Variants in PPP1R9A observed in about 807,000 individuals in gnomAD.
PPP1R9A encodes neurabin-1.
PPP1R9A carries 59 observed loss-of-function variants against 141.9 expected under a neutral mutation model. That is an observed-to-expected ratio of 0.42 (90% CI 0.34 to 0.52). PPP1R9A has a LOEUF of 0.52. Among genes scored for constraint, PPP1R9A ranks in the 20% least tolerant of loss-of-function variants. The probability of loss-of-function intolerance (pLI) is 0.10; values close to 1 mark genes in which losing one functional copy is unlikely to be tolerated. For missense variants in PPP1R9A, 1,444 were observed against 1,611.9 expected, an observed-to-expected ratio of 0.90 and a Z score of 1.78; for synonymous variants, 500 against 569.7, an observed-to-expected ratio of 0.88 and a Z score of 1.74.
chr7:95,026,488 A>G lies in PPP1R9A; in HGVS notation c.1396-84771A>G, dbSNP rs142658478. ...GGGGCACCCTCCAGATGCCAGCCGG[A>G]GCTCTCCTGTGTGAGGTGTCTATTG... On this transcript the variant is annotated intron_variant, in intron 2 of 19. Coordinates refer to ENST00000433360, the MANE Select transcript of PPP1R9A (RefSeq NM_001166160.2). Among the ~76,000 whole-genome samples the G allele has an allele frequency of 4.2e-3, 635 of 152,208 alleles. 6 individuals are homozygous for G. Among genetic ancestry groups the G allele is most frequent in the African/African-American group, 0.013 (554 of 41,524 alleles).
intron 2 of PPP1R9A, among the ~76,000 whole-genome samples, chr7:94,985,207 A>G (rs1207900396): frequency 6.6e-6 from 1 of 152,020 alleles, no homozygotes; most frequent in African/African-American, 2.4e-5. Flanking sequence ...ACAGTTTATT[A>G]TTTCTGTTCT....
chr7:94,991,859 C>T (rs772634559), intron 2 of PPP1R9A, among the ~76,000 whole-genome samples: 1 of 152,086 alleles, frequency 6.6e-6, no homozygotes, highest in Non-Finnish European at 1.5e-5. Context: ...GCCATGTTGC[C>T]CCTGCTGTTC....
At position 95,257,672 on chromosome 7, in the gene PPP1R9A, C is replaced by A. The variant is rs1799791791; in HGVS notation, c.2665+5542C>A. Reference sequence around the variant, plus strand: ...CTAATGCTATCCCTCCCTGCTCCCCCCACCCCACAACAGGCCCCTATGTGT... The same window carrying A: ...CTAATGCTATCCCTCCCTGCTCCCCACACCCCACAACAGGCCCCTATGTGT... On this transcript the variant is annotated intron_variant, in intron 12 of 19. Transcript: ENST00000433360. Among the ~76,000 whole-genome samples, 4 of 152,182 alleles carry A rather than the reference C, an allele frequency of 2.6e-5. 1 individual carries two copies. The highest frequency in any genetic ancestry group is 1.3e-4 in the Admixed American group (2 of 15,286).
At chr7:95,286,424 A>G (rs1805344936) in intron 18 of PPP1R9A, 99 bp downstream of exon 18, 1 of 1,522,626 alleles carries the variant, frequency 6.6e-7, no homozygotes, top group African/African-American at 1.4e-5. Context: ...TATTGCATAG[A>G]AATCATCAGG....
At chr7:95,044,262 C>A (rs1008627645) in intron 2 of PPP1R9A, among the ~76,000 whole-genome samples, 1 of 152,194 alleles carries the variant, frequency 6.6e-6, no homozygotes, top group Non-Finnish European at 1.5e-5. Context: ...GAATGAGCCA[C>A]CTGAAGGGAC....
At chr7:95,140,526 G>C (rs1233508650) in intron 4 of PPP1R9A, among the ~76,000 whole-genome samples, 1 of 152,056 alleles carries the variant, frequency 6.6e-6, no homozygotes, top group African/African-American at 2.4e-5. Flanking sequence ...AAGTAGCTGG[G>C]ACTACAGGCA....
At chr7:95,007,116 C>A (rs1803726609) in intron 2 of PPP1R9A, among the ~76,000 whole-genome samples, 1 of 152,188 alleles carries the variant, frequency 6.6e-6, no homozygotes, top group Admixed American at 6.5e-5. Context: ...CCCATCTCAG[C>A]CTCCCAAAGT....
chr7:94,974,793 A>G (rs1355832965), intron 2 of PPP1R9A, among the ~76,000 whole-genome samples: 2 of 152,250 alleles, frequency 1.3e-5, no homozygotes, highest in Admixed American at 6.5e-5. Flanking sequence ...GTAGAGGCAC[A>G]TTAAAATAAC....
chr7:95,014,260 C>T (rs542486500), intron 2 of PPP1R9A, among the ~76,000 whole-genome samples: 9 of 152,142 alleles, frequency 5.9e-5, no homozygotes, highest in African/African-American at 2.2e-4. Context: ...ACATTAATTA[C>T]ATTTAGACAT....
chr7:95,219,024 G>A (rs980933154), intron 7 of PPP1R9A, among the ~76,000 whole-genome samples: 1 of 152,130 alleles, frequency 6.6e-6, no homozygotes, highest in African/African-American at 2.4e-5. Context: ...ATGTTAGCTG[G>A]TTATTTTGCT....
intron 4 of PPP1R9A, among the ~76,000 whole-genome samples, chr7:95,147,025 C>T (rs980125159): frequency 6.6e-5 from 10 of 152,120 alleles, no homozygotes; most frequent in Non-Finnish European, 1.5e-4. Context: ...TTTTCAAATT[C>T]TATGAAGAAA....
chr7:94,955,439 T>C (rs966111358), intron 2 of PPP1R9A, among the ~76,000 whole-genome samples: 4 of 152,144 alleles, frequency 2.6e-5, no homozygotes, highest in African/African-American at 9.6e-5. Flanking sequence ...AATCTTTTTT[T>C]TTCCTATTAC....
In PPP1R9A at chr7:95,286,272, G is replaced by A. The variant is rs149491448; in HGVS notation, c.3676G>A (p.Ala1226Thr). 6.3e-5 allele frequency: 101 copies of A among 1,613,590 alleles called. No homozygotes were observed. The highest frequency in any genetic ancestry group is 8.0e-5 in the Non-Finnish European group (94 of 1,179,760). The stretch of plus-strand genomic sequence containing the variant: ...TTCAGCAGACCTCAGCGGCTTAGGA[G>A]CAGAACCTAAAACACCAGGGCTCTC... ...TSSADLSGLG[A>T]EPKTPGLSQS... is the part of the protein sequence containing the mutation. The change falls in exon 18 of 20, where the codon GCA becomes ACA. Residue 1226 changes from alanine (A) to threonine (T), a missense_variant. This residue lies in a region of PPP1R9A where 459 missense variants were observed against 513.8 expected (regional missense o/e 0.89). Transcript: ENST00000433360.
At chr7:95,035,938 T>G (rs1476408341) in intron 2 of PPP1R9A, 1 of 152,158 alleles carries the variant, frequency 6.6e-6, no homozygotes, top group African/African-American at 2.4e-5. Flanking sequence ...TAGAGGCCAA[T>G]AAGATGATAG....
rs1801677238 is a variant in PPP1R9A, at chr7:95,268,673, G to T, written c.2789G>T (p.Ser930Ile). The change falls in exon 13 of 20, where the codon AGT (serine) becomes ATT (isoleucine). Residue 930 changes from serine (S) to isoleucine (I), a missense_variant. By Grantham distance (142) the Ser-to-Ile change is moderately radical (BLOSUM62 -2). Around this residue, in one of 5 missense-constraint regions of PPP1R9A, gnomAD observed 3 missense variants for 16.5 expected, o/e 0.18. Transcript: ENST00000433360. ...PSRTRLYDSV[S>I]STDGEDSLER... ...AGGACAAGACTGTATGATAGTGTTA[G>T]TTCCACAGATGGGGAGGACAGTCTA... 6.2e-7 allele frequency: 1 copy of T among 1,613,262 alleles called. No homozygotes were observed.
intron 4 of PPP1R9A, among the ~76,000 whole-genome samples, chr7:95,147,119 A>G (rs1163337376): frequency 6.6e-6 from 1 of 152,160 alleles, no homozygotes; most frequent in Non-Finnish European, 1.5e-5. Context: ...GATTCTTCCT[A>G]TCCATGAACA....
intron 10 of PPP1R9A, 82 bp downstream of exon 10, chr7:95,250,337 A>G: frequency 3.3e-6 from 4 of 1,196,760 alleles, no homozygotes; most frequent in Non-Finnish European, 4.6e-6. Flanking sequence ...TATCTAGTGG[A>G]ACAGAAAAGA....
chr7:95,023,911 C>G (rs150383943), intron 2 of PPP1R9A, among the ~76,000 whole-genome samples: 3,561 of 152,250 alleles, frequency 0.023, 153 homozygotes, highest in African/African-American at 0.081. Context: ...CCTGCTTTCT[C>G]TTGTGGGCAT....
At chr7:95,204,861 C>G (rs535814507) in intron 7 of PPP1R9A, among the ~76,000 whole-genome samples, 2 of 145,898 alleles carry the variant, frequency 1.4e-5, no homozygotes, top group African/African-American at 5.1e-5. Flanking sequence ...ACCACACACA[C>G]GACAAACACC....
Sources: allele counts gnomAD v4.1 joint callset (sites outside exome capture counted in the v4.1 genomes callset), GRCh38; gene constraint gnomAD v4.1.1; regional missense constraint gnomAD v4.1.1; transcripts MANE v1.5; gene names NCBI Gene and HGNC (gene_info 2026-07-23, HGNC 2026-07-21).